Variants in LINC00632 observed in about 807,000 individuals in gnomAD.
LINC00632 encodes the protein long independently transcribed non-coding RNA 632, also known as ALDOA related specific transcript.
chrX:140,761,674 C>A (rs960852561), intron 3 of LINC00632, among the ~76,000 whole-genome samples: 2 of 112,661 alleles, frequency 1.8e-5, no homozygotes, highest in Non-Finnish European at 3.7e-5. Context: ...GTATCTTCTT[C>A]CCAATTTATG....
At chrX:140,767,673 A>G (rs1307801451) in intron 3 of LINC00632, among the ~76,000 whole-genome samples, 4 of 112,033 alleles carry the variant, frequency 3.6e-5, no homozygotes, top group Non-Finnish European at 7.5e-5. Context: ...TGTATTAGTC[A>G]GAGTTCTCCA....
At chrX:140,771,665 G>GTGTA (rs1931797632) in intron 3 of LINC00632, among the ~76,000 whole-genome samples, 1 of 41,031 alleles carries the variant, frequency 2.4e-5, no homozygotes, top group African/African-American at 1.2e-4. Context: ...GTGTGTGTGT[G>GTGTA]TATATATATA....
At chrX:140,742,784 A>C (rs1389040551) in intron 3 of LINC00632, among the ~76,000 whole-genome samples, 1 of 104,667 alleles carries the variant, frequency 9.6e-6, no homozygotes, top group African/African-American at 3.5e-5. Context: ...CTGACAAAAC[A>C]CTCGGTGAAT....
At chrX:140,755,835 C>T (rs1931484193) in intron 3 of LINC00632, among the ~76,000 whole-genome samples, 1 of 111,020 alleles carries the variant, frequency 9.0e-6, no homozygotes, top group African/African-American at 3.3e-5. Flanking sequence ...TACCACAGTA[C>T]ACATTTTGCA....
At chrX:140,763,402 CAAAAAAAAAAA>C (rs139059108) in intron 3 of LINC00632, among the ~76,000 whole-genome samples, 3 of 73,645 alleles carry the variant, frequency 4.1e-5, no homozygotes, top group African/African-American at 1.5e-4. Flanking sequence ...GACTCTGTCT[CAAAAAAAAAAA>C]AAAAAAAAAT....
At chrX:140,712,383 G>A (rs1930533412) in intron 2 of LINC00632, among the ~76,000 whole-genome samples, 1 of 101,456 alleles carries the variant, frequency 9.9e-6, no homozygotes, top group Admixed American at 1.2e-4. Context: ...AAATACCCCC[G>A]GGGTTAAAGT....
intron 2 of LINC00632, among the ~76,000 whole-genome samples, chrX:140,729,021 A>G (rs1931012503): frequency 9.0e-6 from 1 of 111,390 alleles, no homozygotes; most frequent in South Asian, 3.8e-4. Context: ...ATCCTATCAC[A>G]TGAAATCACC....
At chrX:140,785,364 C>G (rs2148406539) in exon 5 of LINC00632, among the ~76,000 whole-genome samples, 1 of 111,784 alleles carries the variant, frequency 8.9e-6, no homozygotes, top group South Asian at 3.7e-4. Flanking sequence ...AACTGGCACA[C>G]AGAGGTGAAG....
intron 3 of LINC00632, among the ~76,000 whole-genome samples, chrX:140,747,529 CAAAAAAAAA>C (rs376796176): frequency 7.9e-5 from 5 of 63,250 alleles, no homozygotes; most frequent in Non-Finnish European, 1.4e-4. Context: ...AAACTCCATC[CAAAAAAAAA>C]AAAAAAAAAG....
At chrX:140,723,266 T>C (rs956695125) in intron 2 of LINC00632, among the ~76,000 whole-genome samples, 2 of 16,500 alleles carry the variant, frequency 1.2e-4, no homozygotes, top group Non-Finnish European at 2.9e-4. Context: ...ACACATTCCA[T>C]ACACACACAC....
At chrX:140,723,828 CACACACACACATTCCAT>C (rs1168049117) in intron 2 of LINC00632, among the ~76,000 whole-genome samples, 59 of 2,812 alleles carry the variant, frequency 0.021, no homozygotes, top group Admixed American at 0.095. Context: ...ACATTCCATG[CACACACACACATTCCAT>C]ACACACACAC....
chrX:140,762,240 A>AGAGAGAGAGAGAGC (rs1556027065), intron 3 of LINC00632, among the ~76,000 whole-genome samples: 1 of 107,955 alleles, frequency 9.3e-6, no homozygotes, highest in African/African-American at 3.4e-5. Flanking sequence ...AGAGAGAGAG[A>AGAGAGAGAGAGAGC]GAGCACTCTT....
intron 3 of LINC00632, among the ~76,000 whole-genome samples, chrX:140,753,768 C>CTTTTTTTTTTTTTTTTTTT (rs752596283): frequency 4.0e-4 from 20 of 49,724 alleles, no homozygotes; most frequent in South Asian, 1.4e-3. Context: ...TTCTTTCTTT[C>CTTTTTTTTTTTTTTTTTTT]TTTTTTTTTT....
exon 5 of LINC00632, among the ~76,000 whole-genome samples, chrX:140,788,832 CAT>C (rs1205880734): frequency 1.2e-4 from 12 of 101,588 alleles, no homozygotes; most frequent in African/African-American, 4.2e-4. Flanking sequence ...CATATATACA[CAT>C]ATATGTATAT....
chrX:140,790,470 T>C (rs1253585360), exon 5 of LINC00632, among the ~76,000 whole-genome samples: 1 of 111,477 alleles, frequency 9.0e-6, no homozygotes, highest in Admixed American at 9.6e-5. Context: ...TAGCATTATG[T>C]TTTGACATAT....
At chrX:140,754,306 TC>T (rs1053965546) in intron 3 of LINC00632, among the ~76,000 whole-genome samples, 3 of 111,239 alleles carry the variant, frequency 2.7e-5, no homozygotes, top group Admixed American at 9.6e-5. Context: ...CTGAATTTTT[TC>T]CATAAGGCCA....
intron 2 of LINC00632, among the ~76,000 whole-genome samples, chrX:140,729,187 C>T (rs58570856): frequency 0.047 from 5,185 of 110,770 alleles, 336 homozygotes; most frequent in African/African-American, 0.16. Flanking sequence ...ACACAACCTT[C>T]GCCTGCACCC....
At position 140,753,977 on chromosome X, in the gene LINC00632, T is replaced by C. The variant is rs190792445; in HGVS notation, n.192-18101T>C. Reference sequence around the variant, plus strand: ...TTTTAGTAGAGATGGGGTTTCACCATGTTGGCCAAGATGGTCTCGATCTCT... The same window carrying C: ...TTTTAGTAGAGATGGGGTTTCACCACGTTGGCCAAGATGGTCTCGATCTCT... On this transcript the variant is annotated intron_variant and non_coding_transcript_variant, in intron 3 of 4. Coordinates refer to ENST00000648200, the Ensembl canonical transcript of LINC00632. Among the ~76,000 whole-genome samples the C allele has an allele frequency of 1.5e-3, 170 of 111,066 alleles. 2 individuals carry two copies. Among genetic ancestry groups the C allele is most frequent in the Non-Finnish European group, 2.9e-3 (154 of 53,008 alleles).
chrX:140,736,806 T>C (rs759608280), intron 3 of LINC00632, among the ~76,000 whole-genome samples: 75 of 110,660 alleles, frequency 6.8e-4, no homozygotes, highest in African/African-American at 2.3e-3. Flanking sequence ...AACTAGCATA[T>C]CATTTTATTT....
Sources: gnomAD v4.1 joint callset for allele counts (sites outside exome capture counted in the v4.1 genomes callset) on GRCh38, gnomAD v4.1.1 for gene constraint, MANE v1.5 for transcripts, NCBI Gene and HGNC (gene_info 2026-07-23, HGNC 2026-07-21) for gene names.